The following ITPR1 variants were observed in gnomAD, a reference collection of about 807,000 sequenced individuals.
ITPR1 encodes the protein inositol 1,4,5-trisphosphate-gated calcium channel ITPR1.
In ITPR1, 96 loss-of-function variants were observed where a neutral mutation model predicts 318.4. The ratio of observed to expected loss-of-function variants is 0.30; its 90% CI spans 0.26 to 0.36. The LOEUF is 0.36. ITPR1 is among the 10% of genes least tolerant of loss of function. The pLI, the probability that ITPR1 is intolerant of heterozygous loss-of-function variation, is 1.00. For missense variants in ITPR1, 2,440 were observed against 3,460.2 expected (o/e 0.71, Z 7.40); for synonymous variants, 1,312 against 1,289.9 (o/e 1.02, Z -0.37).
intron 4 of ITPR1, among the ~76,000 whole-genome samples, chr3:4,610,419 T>C (rs1475499321): frequency 6.6e-6 from 1 of 151,754 alleles, no homozygotes; most frequent in Non-Finnish European, 1.5e-5. Flanking sequence ...CTTTGTGTAG[T>C]GGGAGTTCCT....
At position 4,795,062 on chromosome 3, in the gene ITPR1, C is replaced by A; in HGVS notation, c.6809-3C>A. 1.2e-6 allele frequency: 2 copies of A among 1,605,998 alleles called. No individual in the cohort carries two copies. The highest frequency in any genetic ancestry group is 1.7e-6 in the Non-Finnish European group (2 of 1,175,012). ...TCACGCGGCTTTGCCTTTGTCTCTG[C>A]AGCCCAGCCCGTGTTGTACTGGTGT... On this transcript the variant is annotated splice_region_variant and splice_polypyrimidine_tract_variant and intron_variant, in intron 52 of 61. Transcript: ENST00000649015.
chr3:4,718,470 G>C (rs1401861761), intron 40 of ITPR1, among the ~76,000 whole-genome samples: 2 of 152,192 alleles, frequency 1.3e-5, no homozygotes, highest in African/African-American at 4.8e-5. Context: ...TCCCTAAGGA[G>C]GGTTTGAATT....
intron 44 of ITPR1, among the ~76,000 whole-genome samples, chr3:4,736,512 A>G (rs1211488945): frequency 6.6e-6 from 1 of 152,202 alleles, no homozygotes; most frequent in African/African-American, 2.4e-5. Flanking sequence ...TTCGCCTTCC[A>G]ATCCCCGCTT....
rs752639929 is a variant in ITPR1 at position 4,710,304 on chromosome 3, G to C, written c.4843-21G>C. The C allele has an allele frequency of 2.6e-6, 4 of 1,527,498 alleles. No homozygotes were observed. The Admixed American group carries it at 8.0e-5, about 31-fold the overall frequency. 94.6% of individuals were successfully genotyped at this position (1,527,498 alleles called of 1,614,324 possible). On this transcript the variant is annotated intron_variant, in intron 37 of 61. Coordinates refer to ENST00000649015, the MANE Select transcript of ITPR1 (RefSeq NM_001378452.1). The surrounding 1 kb of genome is among the most constrained non-coding windows in gnomAD (Gnocchi z 4.2). Reference sequence around the variant, plus strand: ...TCAGCGTCTGCCTGAGCCGTTGACTGAGGCTGTGTTTCCGTTTTAGGACAT... The same window carrying C: ...TCAGCGTCTGCCTGAGCCGTTGACTCAGGCTGTGTTTCCGTTTTAGGACAT...
rs373619512 is a variant in ITPR1 at position 4,706,292 on chromosome 3, C to T, written c.4783C>T (p.Arg1595Cys). ...NWRLSARNAA[R>C]RDSVLAASRD... ...GCGGCTCTCAGCCCGCAATGCCGCA[C>T]GCAGGGACTCTGTTCTGGCAGCTTC... The change falls in exon 37 of 62, where the codon CGC becomes TGC. Residue 1595 changes from arginine (R) to cysteine (C), a missense_variant. This residue lies in a region of ITPR1 where 166 missense variants were observed against 246.5 expected (regional missense o/e 0.67). Coordinates refer to ENST00000649015, the MANE Select transcript of ITPR1 (RefSeq NM_001378452.1). The T allele has an allele frequency of 6.1e-5, 99 of 1,613,868 alleles. No homozygotes were observed. The highest frequency in any genetic ancestry group is 2.0e-4 in the East Asian group (9 of 44,902).
Position 4,658,027 on chromosome 3 carries a change from G to A in ITPR1, c.997-97G>A, listed in dbSNP as rs762185923. The A allele has an allele frequency of 1.5e-5, 18 of 1,222,620 alleles. 1 individual carries two copies. The highest frequency in any genetic ancestry group is 4.8e-5 in the South Asian group (3 of 62,500). The allele number at this position is 1,222,620 out of a possible 1,614,324, so 75.7% of individuals were successfully genotyped here. ...TTTCCTGCCAACTGCTGACATTCACGATCCTTTCTTCTCCGTTCCTGTGGA... is the reference window on the plus strand; with the variant it reads ...TTTCCTGCCAACTGCTGACATTCACAATCCTTTCTTCTCCGTTCCTGTGGA... On this transcript the variant is annotated intron_variant, in intron 12 of 61. Coordinates refer to ENST00000649015, the MANE Select transcript of ITPR1 (RefSeq NM_001378452.1).
chr3:4,727,340 G>C (rs2042589763), intron 42 of ITPR1, among the ~76,000 whole-genome samples, 167 bp downstream of exon 42: 1 of 152,166 alleles, frequency 6.6e-6, no homozygotes, highest in African/African-American at 2.4e-5. Flanking sequence ...CTAAATAGTG[G>C]TTCTGCCCAT....
intron 36 of ITPR1, among the ~76,000 whole-genome samples, chr3:4,705,577 C>G (rs2094739636): frequency 1.3e-5 from 2 of 152,200 alleles, no homozygotes; most frequent in African/African-American, 4.8e-5. Context: ...CCTTGACAGT[C>G]TTGACAAGTA....
At chr3:4,528,348 T>A (rs1312324136) in intron 4 of ITPR1, among the ~76,000 whole-genome samples, 1 of 152,198 alleles carries the variant, frequency 6.6e-6, no homozygotes, top group Non-Finnish European at 1.5e-5. Context: ...TGAGTGCTGG[T>A]AATAGCCAGG....
At chr3:4,798,340 C>T (rs1194725130) in intron 53 of ITPR1, among the ~76,000 whole-genome samples, 1 of 152,188 alleles carries the variant, frequency 6.6e-6, no homozygotes, top group Non-Finnish European at 1.5e-5. Flanking sequence ...GGCCAGTAAG[C>T]ACATGAAACG....
chr3:4,584,559 GTTT>G (rs5846327), intron 4 of ITPR1, among the ~76,000 whole-genome samples: 4 of 145,236 alleles, frequency 2.8e-5, no homozygotes, highest in African/African-American at 5.0e-5. Context: ...GAGTTAGTGG[GTTT>G]TTTTTTTTTT....
At chr3:4,644,474 C>T (rs767249393) in intron 8 of ITPR1, among the ~76,000 whole-genome samples, 3 of 152,168 alleles carry the variant, frequency 2.0e-5, no homozygotes, top group Non-Finnish European at 4.4e-5. Context: ...AGCCTTGCGT[C>T]ACTGAGGGGT....
chr3:4,808,785 G>T (rs964012974), intron 55 of ITPR1, among the ~76,000 whole-genome samples: 6 of 152,238 alleles, frequency 3.9e-5, no homozygotes, highest in African/African-American at 1.2e-4. Flanking sequence ...GTGTTCCAGA[G>T]TTGGGAGAGC....
intron 26 of ITPR1, among the ~76,000 whole-genome samples, chr3:4,681,804 T>A (rs938453918): frequency 6.6e-6 from 1 of 151,958 alleles, no homozygotes; most frequent in Non-Finnish European, 1.5e-5. Context: ...GATCATGTCC[T>A]GCTGCTGCTG....
At chr3:4,654,896 G>T (rs1008358001) in intron 12 of ITPR1, among the ~76,000 whole-genome samples, 1 of 152,152 alleles carries the variant, frequency 6.6e-6, no homozygotes, top group Non-Finnish European at 1.5e-5. Context: ...TGGGTTTGTG[G>T]ATTTGCTGGG....
intron 40 of ITPR1, among the ~76,000 whole-genome samples, chr3:4,721,557 C>CTGTT (rs3079647): frequency 0.7 from 105,663 of 151,648 alleles, 39,440 homozygotes; most frequent in East Asian, 0.94. Flanking sequence ...AGCCTGTTCA[C>CTGTT]TGTTGGTCTC....
At chr3:4,740,070 T>C (rs1200081190) in intron 44 of ITPR1, among the ~76,000 whole-genome samples, 1 of 152,222 alleles carries the variant, frequency 6.6e-6, no homozygotes, top group Non-Finnish European at 1.5e-5. Flanking sequence ...AAGCCAGACA[T>C]GAGGCCAGCC....
At chr3:4,627,618 T>C (rs2092877470) in intron 4 of ITPR1, 145 bp from the exon 5 acceptor site, 1 of 530,692 alleles carries the variant, frequency 1.9e-6, no homozygotes, top group Admixed American at 3.3e-5. Flanking sequence ...AAAAGAGATT[T>C]GTCAAAGAGC....
intron 2 of ITPR1, among the ~76,000 whole-genome samples, chr3:4,497,112 G>T (rs915710269): frequency 2.0e-5 from 3 of 151,854 alleles, no homozygotes; most frequent in African/African-American, 4.8e-5. Context: ...CTCAATTGAT[G>T]AATGCAATTA....
Sources: allele counts gnomAD v4.1 joint callset (sites outside exome capture counted in the v4.1 genomes callset), GRCh38; gene constraint gnomAD v4.1.1; regional missense constraint gnomAD v4.1.1; non-coding constraint Gnocchi (gnomAD v3.1); transcripts MANE v1.5; gene names NCBI Gene and HGNC (gene_info 2026-07-23, HGNC 2026-07-21).